Variants in AFDN observed in about 807,000 individuals in gnomAD.
The protein encoded by AFDN is afadin, adherens junction formation factor.
AFDN carries 68 observed loss-of-function variants against 216.6 expected under a neutral mutation model. The observed-to-expected ratio is 0.31, with a 90% CI of 0.26 to 0.38. The LOEUF (loss-of-function observed/expected upper bound fraction) is 0.38, where lower values mean the gene tolerates loss of function less well. AFDN is among the 10% of genes least tolerant of loss of function. AFDN has a pLI of 1.00. For synonymous variants in AFDN, 868 were observed against 853.7 expected (o/e 1.02, Z -0.29); for missense variants, 2,136 against 2,342.0 (o/e 0.91, Z 1.82).
Position 167,868,134 on chromosome 6 carries a change from G to A in AFDN, c.302-2252G>A, listed in dbSNP as rs148706373. Among the ~76,000 whole-genome samples, 1,379 of 152,142 alleles carry A rather than the reference G, an allele frequency of 9.1e-3. 23 individuals carry two copies. The highest frequency in any genetic ancestry group is 0.032 in the African/African-American group (1,307 of 41,466). On this transcript the variant is annotated intron_variant, in intron 2 of 33. Coordinates refer to ENST00000683244, the MANE Select transcript of AFDN (RefSeq NM_001386888.1). The stretch of plus-strand genomic sequence containing the variant: ...CTTTTCGTTGAATAACCTAACCAAA[G>A]TGATCGTTTGTACTGCCTCATCTAG...
chr6:167,893,938 T>G, intron 9 of AFDN, 32 bp downstream of exon 9: 7 of 1,492,006 alleles, frequency 4.7e-6, no homozygotes, highest in Non-Finnish European at 5.5e-6. Context: ...CTTTTATAAC[T>G]AAAGCACTAA....
At chr6:167,901,320 G>A (rs1339927996) in intron 11 of AFDN, among the ~76,000 whole-genome samples, 1 of 152,048 alleles carries the variant, frequency 6.6e-6, no homozygotes, top group Non-Finnish European at 1.5e-5. Context: ...TGTGGAGGTG[G>A]GGAGGGCACT....
chr6:167,890,825 T>G (rs1318032651), intron 7 of AFDN, 37 bp from the exon 8 acceptor site: 2 of 1,601,626 alleles, frequency 1.2e-6, no homozygotes, highest in Non-Finnish European at 8.5e-7. Context: ...CTGACCAACC[T>G]GAGTCTGCCT....
intron 21 of AFDN, 51 bp downstream of exon 21, chr6:167,918,984 G>A (rs772096453): frequency 6.2e-5 from 93 of 1,493,360 alleles, no homozygotes; most frequent in Non-Finnish European, 8.2e-5. Context: ...GTTGAAGCGA[G>A]CATTTTATTC....
At chr6:167,935,722 C>G (rs1037289769) in intron 23 of AFDN, among the ~76,000 whole-genome samples, 1 of 152,004 alleles carries the variant, frequency 6.6e-6, no homozygotes, top group Admixed American at 6.6e-5. Context: ...AACTATTTAG[C>G]CTTTCTGGAG....
intron 1 of AFDN, among the ~76,000 whole-genome samples, chr6:167,838,915 G>A (rs1229446133): frequency 1.3e-5 from 2 of 152,188 alleles, no homozygotes; most frequent in African/African-American, 4.8e-5. Flanking sequence ...TGCTAGTGTT[G>A]TAAGATGCTT....
chr6:167,906,935 A>C (rs545567535), intron 12 of AFDN, among the ~76,000 whole-genome samples: 5 of 152,232 alleles, frequency 3.3e-5, no homozygotes, highest in African/African-American at 1.2e-4. Flanking sequence ...TTTAAAGGCA[A>C]CTCCTAGCTC....
intron 28 of AFDN, 48 bp downstream of exon 28, chr6:167,947,992 A>AG (rs1228092789): frequency 7.1e-7 from 1 of 1,416,082 alleles, no homozygotes. Flanking sequence ...TTCCATCCTT[A>AG]GGGTTCCCTT....
At chr6:167,943,098 A>T (rs369826397) in intron 23 of AFDN, 31 bp from the exon 24 acceptor site, 7 of 1,588,702 alleles carry the variant, frequency 4.4e-6, no homozygotes, top group Non-Finnish European at 6.0e-6. Flanking sequence ...TATATCTTCA[A>T]TGCAGTGTTT....
chr6:167,882,711 C>G (rs1786282799), intron 6 of AFDN, among the ~76,000 whole-genome samples: 1 of 152,084 alleles, frequency 6.6e-6, no homozygotes, highest in Admixed American at 6.6e-5. Context: ...GGAAATACTG[C>G]TAGAATCTCT....
At chr6:167,932,428 C>A (rs1583457866) in intron 23 of AFDN, among the ~76,000 whole-genome samples, 1 of 152,108 alleles carries the variant, frequency 6.6e-6, no homozygotes, top group Non-Finnish European at 1.5e-5. Flanking sequence ...CATGATGCTT[C>A]CTGTTTAATT....
At chr6:167,966,385 T>A (rs1384096257) in intron 32 of AFDN, 1 of 973,260 alleles carries the variant, frequency 1.0e-6, no homozygotes, top group African/African-American at 1.7e-5. Context: ...TGCCTTGGAA[T>A]TTGGATGTCA....
chr6:167,872,224 G>A lies in AFDN; in HGVS notation c.425G>A (p.Ser142Asn). Reference sequence around the variant, plus strand: ...TGTTACTTTCATCAGAAGGCTCAAAGTAATGGACCTGAAAAGCAGGAAAAA... The same window carrying A: ...TGTTACTTTCATCAGAAGGCTCAAAATAATGGACCTGAAAAGCAGGAAAAA... ...NDAIPPKKAQ[S>N]NGPEKQEKEG... Residue 142 changes from serine to asparagine, a missense_variant, in exon 4 of 34, where the codon AGT (serine) becomes AAT (asparagine). Ser to Asn is a conservative substitution (Grantham distance 46, BLOSUM62 1). Coordinates refer to ENST00000683244, the MANE Select transcript of AFDN (RefSeq NM_001386888.1). The A allele has an allele frequency of 1.2e-6, 2 of 1,610,674 alleles. No individual in the cohort carries two copies. The highest frequency in any genetic ancestry group is 1.7e-6 in the Non-Finnish European group (2 of 1,179,184).
At chr6:167,841,859 A>T (rs201184345) in intron 1 of AFDN, among the ~76,000 whole-genome samples, 50 of 151,828 alleles carry the variant, frequency 3.3e-4, no homozygotes, top group African/African-American at 1.0e-3. Context: ...TTGAGATCCC[A>T]TTCCTCTGGG....
intron 22 of AFDN, 77 bp from the exon 23 acceptor site, chr6:167,924,928 C>T (rs1792313109): frequency 1.0e-6 from 1 of 993,818 alleles, no homozygotes; most frequent in African/African-American, 1.6e-5. Flanking sequence ...ACATGATTGA[C>T]TAGATCATGA....
intron 21 of AFDN, among the ~76,000 whole-genome samples, chr6:167,919,871 G>A (rs775766615): frequency 3.9e-5 from 6 of 152,188 alleles, no homozygotes; most frequent in African/African-American, 7.2e-5. Flanking sequence ...AAGTAATAAC[G>A]ATAGAGGTTT....
chr6:167,871,785 C>T (rs374115691), intron 3 of AFDN, among the ~76,000 whole-genome samples: 2 of 152,200 alleles, frequency 1.3e-5, no homozygotes, highest in East Asian at 1.9e-4. Flanking sequence ...CTACTATAGG[C>T]GATTTGTCTA....
chr6:167,937,622 A>G (rs1403140447), intron 23 of AFDN, among the ~76,000 whole-genome samples: 1 of 152,202 alleles, frequency 6.6e-6, no homozygotes, highest in Non-Finnish European at 1.5e-5. Flanking sequence ...CTTGGAATTA[A>G]AAGAAGTGGT....
Position 167,933,380 on chromosome 6 carries a change from A to G in AFDN, c.3099+8289A>G, listed in dbSNP as rs117284812. Among the ~76,000 whole-genome samples the G allele has an allele frequency of 1.9e-3, 291 of 152,358 alleles. 1 individual carries two copies. Among genetic ancestry groups the G allele is most frequent in the Admixed American group, 4.6e-3 (70 of 15,312 alleles). ...GAGATGGTAAAGACTGTTTATTAAC[A>G]TGCCTTCTCACTGTTTAGAGAGTCA... On this transcript the variant is annotated intron_variant, in intron 23 of 33. Transcript: ENST00000683244.
Sources: allele counts gnomAD v4.1 joint callset (sites outside exome capture counted in the v4.1 genomes callset), GRCh38; gene constraint gnomAD v4.1.1; transcripts MANE v1.5; gene names NCBI Gene and HGNC (gene_info 2026-07-23, HGNC 2026-07-21).